The following PLPPR3 variants were observed in gnomAD, a reference collection of about 807,000 sequenced individuals.
PLPPR3 encodes phospholipid phosphatase related 3, also known as phospholipid phosphatase-related protein type 3.
PLPPR3 carries 14 observed loss-of-function variants against 27.3 expected under a neutral mutation model. The ratio of observed to expected loss-of-function variants is 0.51; its 90% CI spans 0.34 to 0.80. The LOEUF (loss-of-function observed/expected upper bound fraction) is 0.80. Ranked by LOEUF, PLPPR3 falls within the 30% of genes least tolerant of loss-of-function variation. The pLI is 0.01. For missense variants in PLPPR3, 1,287 were observed against 1,056.9 expected (o/e 1.22, Z -3.02); for synonymous variants, 671 against 508.0 (o/e 1.32, Z -4.32).
chr19:823,450 A>AAAAACAAAC (rs1555703873), upstream of PLPPR3, among the ~76,000 whole-genome samples: 62 of 143,878 alleles, frequency 4.3e-4, no homozygotes, highest in South Asian at 2.7e-3. Flanking sequence ...TCAAAAAAAA[A>AAAAACAAAC]AAAAAAAACA....
intron 2 of PLPPR3, among the ~76,000 whole-genome samples, chr19:818,324 A>G (rs1308583005): frequency 6.6e-6 from 1 of 152,072 alleles, no homozygotes; most frequent in Non-Finnish European, 1.5e-5. Flanking sequence ...TGGAGGTTGC[A>G]GTGAGCTGAC....
intron 2 of PLPPR3, among the ~76,000 whole-genome samples, chr19:818,934 C>A (rs1464233827): frequency 6.7e-6 from 1 of 149,648 alleles, no homozygotes; most frequent in East Asian, 2.0e-4. Context: ...ACTGGAATTA[C>A]AGGTGTGAGC....
intron 2 of PLPPR3, among the ~76,000 whole-genome samples, chr19:817,268 G>A (rs1221973779): frequency 1.3e-5 from 2 of 148,564 alleles, no homozygotes; most frequent in African/African-American, 5.0e-5. Context: ...GTGAGGCACC[G>A]CACCCAGCCA....
chr19:816,311 A>G (rs1343718114), intron 2 of PLPPR3, among the ~76,000 whole-genome samples: 1 of 134,464 alleles, frequency 7.4e-6, no homozygotes, highest in Admixed American at 7.5e-5. Flanking sequence ...CTATCCACCC[A>G]CCCAACTGTC....
intron 5 of PLPPR3, 49 bp from the exon 6 acceptor site, chr19:814,798 C>G (rs1354735916): frequency 6.4e-7 from 1 of 1,560,904 alleles, no homozygotes; most frequent in African/African-American, 1.3e-5. Context: ...GACCCCAGCT[C>G]CAGTGGCCTC....
rs1465962984 is a variant in PLPPR3 at position 813,789 on chromosome 19, G to A, written c.938C>T (p.Ser313Leu). 9.2e-6 allele frequency: 14 copies of A among 1,526,714 alleles called. No individual in the cohort carries two copies. Among genetic ancestry groups the A allele is most frequent in the South Asian group, 6.0e-5 (5 of 83,240 alleles). The allele number at this position is 1,526,714 out of a possible 1,614,324, so 94.6% of individuals were successfully genotyped here. The change falls in exon 8 of 8, where the codon TCG (serine) becomes TTG (leucine). Residue 313 changes from serine to leucine, a missense_variant. Transcript: ENST00000520876. The surrounding 1 kb of genome is among the most constrained non-coding windows in gnomAD (Gnocchi z 4.1). ...LRALTQRGHD[S>L]VYQQNKSVST... ...CACCGACTTATTCTGCTGATAAACC[G>A]AGTCGTGGCCCCGCTGCGTCAGGGC... is the stretch of plus-strand genomic sequence containing the variant.
At position 813,550 on chromosome 19, in the gene PLPPR3, T is replaced by C. The variant is rs1395629117; in HGVS notation, c.1177A>G (p.Met393Val). ...PSLDDPARRH[M>V]TIHVPLDASR... ...GCGTCCAGCGGCACGTGGATGGTCATGTGGCGGCGCGCGGGGTCGTCCAGC... is the reference window on the plus strand; with the variant it reads ...GCGTCCAGCGGCACGTGGATGGTCACGTGGCGGCGCGCGGGGTCGTCCAGC... Residue 393 changes from methionine to valine, a missense_variant, in exon 8 of 8, where the codon ATG becomes GTG. Transcript: ENST00000520876. The surrounding 1 kb of genome is among the most constrained non-coding windows in gnomAD (Gnocchi z 4.1). The C allele has an allele frequency of 3.2e-6, 5 of 1,561,738 alleles. No homozygotes were observed. Among genetic ancestry groups the C allele is most frequent in the Admixed American group, 1.9e-5 (1 of 53,434 alleles).
intron 2 of PLPPR3, 111 bp downstream of exon 2, chr19:821,374 C>T (rs1463840919): frequency 1.1e-6 from 1 of 911,818 alleles, no homozygotes; most frequent in Non-Finnish European, 1.6e-6. Flanking sequence ...TGCCCCGCCC[C>T]GAGGCCACTG....
chr19:816,351 G>C (rs111164699), intron 2 of PLPPR3, among the ~76,000 whole-genome samples: 18 of 39,918 alleles, frequency 4.5e-4, no homozygotes, highest in Non-Finnish European at 3.1e-4. Context: ...CCATCCATCC[G>C]TCCATTCATT....
upstream of PLPPR3, among the ~76,000 whole-genome samples, chr19:823,662 C>G (rs1328357010): frequency 6.6e-6 from 1 of 152,162 alleles, no homozygotes; most frequent in Non-Finnish European, 1.5e-5. Context: ...CAGGACTGCA[C>G]GGACTGCCTG....
rs138849352 is a variant in PLPPR3 at position 821,440 on chromosome 19, G to A, written c.75+45C>T. 2,522 of 1,486,690 alleles carry A rather than the reference G, an allele frequency of 1.7e-3. 31 individuals are homozygous for A. In the African/African-American group the frequency reaches 0.031, roughly 19 times the overall value. 92.1% of individuals were successfully genotyped at this position (1,486,690 alleles called of 1,614,324 possible). ...AGCGCGGGGGTCTCTGCGGGCGGGC[G>A]GAACCGAGGCGTCTCCCCCGGGCCC... On this transcript the variant is annotated intron_variant, in intron 2 of 7. Coordinates refer to ENST00000520876, the MANE Select transcript of PLPPR3 (RefSeq NM_001270366.2).
chr19:814,357 G>T, intron 7 of PLPPR3, 77 bp downstream of exon 7: 2 of 1,405,990 alleles, frequency 1.4e-6, no homozygotes, highest in Non-Finnish European at 1.9e-6. Context: ...CCCCACTCAG[G>T]CCCTGTGGGC....
upstream of PLPPR3, among the ~76,000 whole-genome samples, chr19:822,140 G>C (rs903142209): frequency 6.6e-6 from 1 of 151,800 alleles, no homozygotes; most frequent in Non-Finnish European, 1.5e-5. Flanking sequence ...GCCTCCCACC[G>C]CCGGGGGTCT....
chr19:821,643 C>A, intron 1 of PLPPR3, 58 bp from the exon 2 acceptor site: 1 of 798,482 alleles, frequency 1.3e-6, no homozygotes, highest in Non-Finnish European at 1.7e-6. Flanking sequence ...GGGGGAGACA[C>A]GGTGGCCGGC....
intron 2 of PLPPR3, among the ~76,000 whole-genome samples, chr19:816,153 A>G (rs2035049046): frequency 6.6e-6 from 1 of 150,934 alleles, no homozygotes; most frequent in Non-Finnish European, 1.5e-5. Context: ...CCATCCATCC[A>G]TTCATCCATC....
chr19:815,926 G>A (rs2035046000), intron 2 of PLPPR3, 75 bp from the exon 3 acceptor site: 2 of 1,475,122 alleles, frequency 1.4e-6, no homozygotes, highest in African/African-American at 1.4e-5. Context: ...CATGAATTCA[G>A]GGCCATCCAC....
intron 3 of PLPPR3, 33 bp from the exon 4 acceptor site, chr19:815,360 T>C: frequency 6.6e-7 from 1 of 1,514,470 alleles, no homozygotes; most frequent in Non-Finnish European, 8.8e-7. Context: ...CAGGCCTCGG[T>C]GCCCACAGGG....
At chr19:817,061 G>A (rs2035074637) in intron 2 of PLPPR3, among the ~76,000 whole-genome samples, 1 of 131,450 alleles carries the variant, frequency 7.6e-6, no homozygotes, top group Non-Finnish European at 1.5e-5. Flanking sequence ...CTACCCATCT[G>A]TCCATCCACA....
upstream of PLPPR3, among the ~76,000 whole-genome samples, chr19:822,389 C>T (rs2035162416): frequency 6.6e-6 from 1 of 151,990 alleles, no homozygotes; most frequent in Admixed American, 6.5e-5. Context: ...CGCGCCTCCG[C>T]CCGCCCCTCC....
Sources: allele counts gnomAD v4.1 joint callset (sites outside exome capture counted in the v4.1 genomes callset), GRCh38; gene constraint gnomAD v4.1.1; non-coding constraint Gnocchi (gnomAD v3.1); transcripts MANE v1.5; gene names NCBI Gene and HGNC (gene_info 2026-07-23, HGNC 2026-07-21).